The following TCAF1 variants were observed in gnomAD, a reference collection of about 807,000 sequenced individuals.
The protein encoded by TCAF1 is TRPM8 channel-associated factor 1.
A neutral mutation model predicts 27.3 loss-of-function variants in TCAF1; 4 were observed. The ratio of observed to expected loss-of-function variants is 0.15; its 90% CI spans 0.07 to 0.34. TCAF1 has a LOEUF of 0.34. Among genes scored for constraint, TCAF1 ranks in the 10% least tolerant of loss-of-function variants. TCAF1 has a pLI of 1.00. For missense variants in TCAF1, 257 were observed against 425.8 expected (o/e 0.60, Z 3.49); for synonymous variants, 105 against 167.1 (o/e 0.63, Z 2.87).
chr7:143,882,368 G>C (rs1037143996), intron 1 of TCAF1: 4 of 984,726 alleles, frequency 4.1e-6, no homozygotes, highest in Admixed American at 6.2e-5. Flanking sequence ...CTCAAGCCCC[G>C]GGCCTTCTCA....
rs772355809 is a variant in TCAF1, at chr7:143,876,616, T to C, written c.-8A>G. The C allele has an allele frequency of 3.6e-5, 54 of 1,496,580 alleles. No individual in the cohort carries two copies. The highest frequency in any genetic ancestry group is 4.4e-5 in the Non-Finnish European group (50 of 1,124,682). The allele number at this position is 1,496,580 out of a possible 1,614,324, so 92.7% of individuals were successfully genotyped here. A position where few individuals can be genotyped will look rare whatever the true frequency, so the allele number is the denominator to read the frequency against. On this transcript the variant is annotated 5_prime_UTR_variant, in exon 2 of 9. Transcript: ENST00000479870. ...AGCAGAGGGAGTCGCCATGGCTCTA[T>C]TGGTTTCTGCAGAGAAGAAAGCAAA...
chr7:143,884,564 C>A (rs781431812), intron 1 of TCAF1, among the ~76,000 whole-genome samples: 1 of 152,138 alleles, frequency 6.6e-6, no homozygotes, highest in East Asian at 1.9e-4. Flanking sequence ...AGTTAAAACC[C>A]TGTAATACTG....
chr7:143,884,005 C>G (rs1813255050), intron 1 of TCAF1, among the ~76,000 whole-genome samples: 2 of 152,116 alleles, frequency 1.3e-5, no homozygotes, highest in South Asian at 4.2e-4. Context: ...TACCTAATTC[C>G]TCTGTGCCTC....
In TCAF1 at chr7:143,852,617, T is replaced by A. The variant is rs1811364776; in HGVS notation, c.*1516A>T. The A allele has an allele frequency of 1.3e-5, 2 of 152,656 alleles. No homozygotes were observed. The highest frequency in any genetic ancestry group is 4.8e-5 in the African/African-American group (2 of 41,608). The allele number at this position is 152,656 out of a possible 1,614,324, so 9.5% of individuals were successfully genotyped here. A position where few individuals can be genotyped will look rare whatever the true frequency, so the allele number is the denominator to read the frequency against. Reference sequence around the variant, plus strand: ...AAAAATTTTCCTTAAGCTCTGAAGATGTTGATCCATTGACTTCTGGCATTC... The same window carrying A: ...AAAAATTTTCCTTAAGCTCTGAAGAAGTTGATCCATTGACTTCTGGCATTC... On this transcript the variant is annotated 3_prime_UTR_variant, in exon 9 of 9. Transcript: ENST00000479870.
At chr7:143,890,741 C>G (rs1813603675) in intron 1 of TCAF1, among the ~76,000 whole-genome samples, 1 of 152,144 alleles carries the variant, frequency 6.6e-6, no homozygotes, top group Non-Finnish European at 1.5e-5. Flanking sequence ...ACTATCAAAC[C>G]AGGTGGAGCT....
rs1811386767 is a variant in TCAF1, at chr7:143,852,829, T to TA, written c.*1303dup. 1 of 149,984 alleles carries TA rather than the reference T, an allele frequency of 6.7e-6. No homozygotes were observed. The allele number at this position is 149,984 out of a possible 1,614,324, so 9.3% of individuals were successfully genotyped here. On this transcript the variant is annotated 3_prime_UTR_variant, in exon 9 of 9. Coordinates refer to ENST00000479870, the MANE Select transcript of TCAF1 (RefSeq NM_014719.3). ...ATTGGGCCCTCTCAATCTGGAGACT[T>TA]AGCTTGCTCTGTTCTTCAATTCTTT... is the stretch of plus-strand genomic sequence containing the variant.
chr7:143,882,223 C>T (rs879531075), intron 1 of TCAF1: 4 of 182,834 alleles, frequency 2.2e-5, no homozygotes, highest in East Asian at 1.9e-4. Flanking sequence ...CACACACGAA[C>T]GCTCACTCAA....
chr7:143,878,956 TA>T (rs1812866591), intron 1 of TCAF1, among the ~76,000 whole-genome samples: 1 of 152,210 alleles, frequency 6.6e-6, no homozygotes, highest in Admixed American at 6.5e-5. Flanking sequence ...CTAATCATGT[TA>T]TTTAATCTCA....
At chr7:143,890,358 G>A (rs534271002) in intron 1 of TCAF1, among the ~76,000 whole-genome samples, 9 of 152,284 alleles carry the variant, frequency 5.9e-5, no homozygotes, top group African/African-American at 2.2e-4. Flanking sequence ...GTTTCTTAGT[G>A]ATGGACTAAA....
chr7:143,886,700 C>CTTTTTTTTTTTTTTTTTTTTTTTTT, intron 1 of TCAF1, among the ~76,000 whole-genome samples: 1 of 89,164 alleles, frequency 1.1e-5, no homozygotes. Context: ...CAAATTTTAC[C>CTTTTTTTTTTTTTTTTTTTTTTTTT]TTTTTTTTTT....
In TCAF1 at chr7:143,876,451, G is replaced by A. The variant is rs1413811365; in HGVS notation, c.158C>T (p.Ser53Phe). ...DMGQVLIAAS[S>F]YGRGRLVVVS... is the part of the protein sequence containing the mutation. ...GACCACCAGGCGGCCACGGCCATAG[G>A]AGGAGGCAGCAATGAGGACCTGGCC... Residue 53 changes from serine (S) to phenylalanine (F), a missense_variant, in exon 2 of 9, where the codon TCC (serine) becomes TTC (phenylalanine). Around this residue, in one of 2 missense-constraint regions of TCAF1, gnomAD observed 255 missense variants for 260.1 expected, o/e 0.98. Transcript: ENST00000479870. 3 of 1,608,932 alleles carry A rather than the reference G, an allele frequency of 1.9e-6. No homozygotes were observed. Among genetic ancestry groups the A allele is most frequent in the Admixed American group, 1.7e-5 (1 of 59,358 alleles).
At chr7:143,877,883 C>A (rs1249839630) in intron 1 of TCAF1, among the ~76,000 whole-genome samples, 1 of 152,226 alleles carries the variant, frequency 6.6e-6, no homozygotes, top group Non-Finnish European at 1.5e-5. Flanking sequence ...AATATGCAGA[C>A]AGCCCTTACA....
intron 1 of TCAF1, among the ~76,000 whole-genome samples, chr7:143,896,021 T>C (rs1813856008): frequency 6.6e-6 from 1 of 151,752 alleles, no homozygotes; most frequent in Non-Finnish European, 1.5e-5. Flanking sequence ...AATCTAACTT[T>C]GTATTACTAA....
intron 1 of TCAF1, chr7:143,882,397 T>G: frequency 1.0e-6 from 1 of 985,340 alleles, no homozygotes; most frequent in Non-Finnish European, 1.2e-6. Flanking sequence ...AGCAGCGGAT[T>G]AGACGCGGTT....
In TCAF1 at chr7:143,875,999, CT is replaced by C; in HGVS notation, c.609del (p.Val204CysfsTer36). On this transcript the variant is annotated frameshift_variant, in exon 2 of 9. Coordinates refer to ENST00000479870, the MANE Select transcript of TCAF1 (RefSeq NM_014719.3). LOFTEE classifies it high-confidence loss of function. ...GGGTAACATACTCACCTAACCAACA[CT>C]GGGATCTTGGGCATCTTCTTGGAGA... ...FKVSKKMPKI[P>X]VLVSCEDDLS... 1.3e-6 allele frequency: 2 copies of C among 1,554,848 alleles called. No individual in the cohort carries two copies. Among genetic ancestry groups the C allele is most frequent in the Non-Finnish European group, 1.7e-6 (2 of 1,149,608 alleles).
At chr7:143,899,184 CTTGTT>C (rs1179956803) in intron 1 of TCAF1, among the ~76,000 whole-genome samples, 1 of 152,244 alleles carries the variant, frequency 6.6e-6, no homozygotes, top group Admixed American at 6.5e-5. Context: ...TTGTTTGTTT[CTTGTT>C]TTGGAGAACT....
chr7:143,879,860 C>T (rs1812921857), intron 1 of TCAF1, among the ~76,000 whole-genome samples: 1 of 152,074 alleles, frequency 6.6e-6, no homozygotes, highest in African/African-American at 2.4e-5. Flanking sequence ...TAAAGAGTTG[C>T]CCATCAGAAC....
intron 1 of TCAF1, among the ~76,000 whole-genome samples, chr7:143,887,513 C>A (rs959714634): frequency 6.6e-6 from 1 of 152,080 alleles, no homozygotes; most frequent in African/African-American, 2.4e-5. Flanking sequence ...TATTATTTTG[C>A]AACGCAAAAT....
chr7:143,885,486 C>A, intron 1 of TCAF1: 1 of 985,368 alleles, frequency 1.0e-6, no homozygotes, highest in Non-Finnish European at 1.2e-6. Context: ...CAAGATGCCG[C>A]CCCAGATCCG....
Sources: allele counts gnomAD v4.1 joint callset (sites outside exome capture counted in the v4.1 genomes callset), GRCh38; gene constraint gnomAD v4.1.1; regional missense constraint gnomAD v4.1.1; transcripts MANE v1.5; gene names NCBI Gene and HGNC (gene_info 2026-07-23, HGNC 2026-07-21).